Variants in SQLE observed in about 807,000 individuals in gnomAD.
SQLE encodes the protein squalene epoxidase, also known as squalene monooxygenase.
A neutral mutation model predicts 60.7 loss-of-function variants in SQLE; 29 were observed. That is an observed-to-expected ratio of 0.48 (90% CI 0.36 to 0.65). SQLE has a LOEUF of 0.65. Among genes scored for constraint, SQLE ranks in the 30% least tolerant of loss-of-function variants. The pLI, the probability that SQLE is intolerant of heterozygous loss-of-function variation, is 0.00. For synonymous variants in SQLE, 237 were observed against 246.8 expected, an observed-to-expected ratio of 0.96 and a Z score of 0.37; for missense variants, 605 against 684.1, an observed-to-expected ratio of 0.88 and a Z score of 1.29.
intron 7 of SQLE, among the ~76,000 whole-genome samples, chr8:125,014,841 T>G: frequency 6.6e-6 from 1 of 152,220 alleles, no homozygotes; most frequent in East Asian, 1.9e-4. Flanking sequence ...CCATGATCTA[T>G]CCTTGTGAAT....
chr8:125,003,177 G>A lies in SQLE; in HGVS notation c.293G>A (p.Arg98His), dbSNP rs773317153. The A allele has an allele frequency of 1.4e-5, 23 of 1,597,306 alleles. No individual in the cohort carries two copies. Among genetic ancestry groups the A allele is most frequent in the Admixed American group, 8.9e-5 (5 of 56,398 alleles). The change falls in exon 2 of 11, where the codon CGC (arginine) becomes CAC (histidine). Residue 98 changes from arginine to histidine, a missense_variant and splice_region_variant. Coordinates refer to ENST00000265896, the MANE Select transcript of SQLE (RefSeq NM_003129.4). ...ENKEQLEARR[R>H]RKGTNISETS... ...GTTTACCTTTTTTTTTTTAAACAGC[G>A]CAGAAAAGGAACCAATATTTCAGAA...
chr8:125,019,848 C>T (rs1272806529), intron 9 of SQLE, among the ~76,000 whole-genome samples: 1 of 149,056 alleles, frequency 6.7e-6, no homozygotes, highest in African/African-American at 2.5e-5. Flanking sequence ...TAACCATTAA[C>T]TCTTCCTAAG....
In SQLE at chr8:125,009,324, A is replaced by C. The variant is rs574394040; in HGVS notation, c.1089A>C (p.Lys363Asn). 1.3e-5 allele frequency: 21 copies of C among 1,611,952 alleles called. No homozygotes were observed. In the South Asian group the frequency reaches 1.8e-4, roughly 14 times the overall value. Reference sequence around the variant, plus strand: ...ATTTAAGAGAATACATGGTTGAAAAAATTTACCCACAAATACCTGGTAAGA... The same window carrying C: ...ATTTAAGAGAATACATGGTTGAAAACATTTACCCACAAATACCTGGTAAGA... Reference protein sequence around the residue: ...PRNLREYMVEKIYPQIPDHLK... With the variant: ...PRNLREYMVENIYPQIPDHLK... The change falls in exon 6 of 11, where the codon AAA becomes AAC. Residue 363 changes from lysine to asparagine, a missense_variant. Lys to Asn is a moderately conservative substitution (Grantham distance 94, BLOSUM62 0). Transcript: ENST00000265896.
At chr8:125,005,768 T>C in intron 3 of SQLE, 63 bp downstream of exon 3, 1 of 1,333,356 alleles carries the variant, frequency 7.5e-7, no homozygotes, top group African/African-American at 1.5e-5. Context: ...TTGACCTTTG[T>C]ACAAATAAGA....
Position 124,999,351 on chromosome 8 carries a change from C to G in SQLE, c.-53C>G, listed in dbSNP as rs1814802245. 1.1e-5 allele frequency: 16 copies of G among 1,466,636 alleles called. No individual in the cohort carries two copies. Among genetic ancestry groups the G allele is most frequent in the Non-Finnish European group, 1.4e-5 (16 of 1,109,614 alleles). 90.9% of individuals were successfully genotyped at this position (1,466,636 alleles called of 1,614,324 possible). A position where few individuals can be genotyped will look rare whatever the true frequency, so the allele number is the denominator to read the frequency against. On this transcript the variant is annotated 5_prime_UTR_variant, in exon 1 of 11. Coordinates refer to ENST00000265896, the MANE Select transcript of SQLE (RefSeq NM_003129.4). ...CATTTTGGGGAGAACCTTAAACCCA[C>G]TCGAGCAGATAATCTCCGCCTTGAC...
chr8:125,006,138 T>TC (rs983303197), intron 3 of SQLE, among the ~76,000 whole-genome samples: 65 of 152,308 alleles, frequency 4.3e-4, no homozygotes, highest in African/African-American at 1.5e-3. Flanking sequence ...TGGCTTCTTC[T>TC]CTTGTTTATT....
In SQLE at chr8:124,999,312, T is replaced by A. The variant is rs1248340545; in HGVS notation, c.-92T>A. ...CTGGAGTCTGGCCGGCTCTCCGTGCTCCTCTTGGTACCTCATTTTGGGGAG... is the reference window on the plus strand; with the variant it reads ...CTGGAGTCTGGCCGGCTCTCCGTGCACCTCTTGGTACCTCATTTTGGGGAG... On this transcript the variant is annotated 5_prime_UTR_variant, in exon 1 of 11. Transcript: ENST00000265896. 3 of 1,294,172 alleles carry A rather than the reference T, an allele frequency of 2.3e-6. No individual in the cohort carries two copies. In the East Asian group the frequency reaches 8.3e-5, roughly 36 times the overall value. 80.2% of individuals were successfully genotyped at this position (1,294,172 alleles called of 1,614,324 possible). A position where few individuals can be genotyped will look rare whatever the true frequency, so the allele number is the denominator to read the frequency against.
At chr8:125,012,333 ACAGT>A (rs1815050823) in intron 7 of SQLE, among the ~76,000 whole-genome samples, 1 of 152,192 alleles carries the variant, frequency 6.6e-6, no homozygotes, top group Non-Finnish European at 1.5e-5. Context: ...TAGTATATTC[ACAGT>A]GTGTGCATCA....
chr8:125,018,758 C>T, intron 9 of SQLE, 31 bp downstream of exon 9: 3 of 1,376,208 alleles, frequency 2.2e-6, no homozygotes, highest in Non-Finnish European at 3.0e-6. Flanking sequence ...GTGAATATTA[C>T]TCAATTGCAG....
intron 4 of SQLE, among the ~76,000 whole-genome samples, chr8:125,008,705 G>C (rs1039362706): frequency 6.6e-6 from 1 of 152,170 alleles, no homozygotes; most frequent in African/African-American, 2.4e-5. Context: ...CCCATTGTCT[G>C]TCAAAGTGGA....
In SQLE at chr8:125,006,946, G is replaced by A. The variant is rs184828745; in HGVS notation, c.726-445G>A. ...CCTTGATCTCCTGACCTTGTGATCC[G>A]CCCACCTTGGCCTCCCAAAGTTCTG... On this transcript the variant is annotated intron_variant, in intron 3 of 10. Transcript: ENST00000265896. Among the ~76,000 whole-genome samples the A allele has an allele frequency of 8.0e-4, 122 of 152,054 alleles. 1 individual carries two copies. The East Asian group carries it at 0.017, about 21-fold the overall frequency.
At chr8:125,008,657 A>G (rs1814994816) in intron 4 of SQLE, among the ~76,000 whole-genome samples, 1 of 152,196 alleles carries the variant, frequency 6.6e-6, no homozygotes, top group South Asian at 2.1e-4. Flanking sequence ...AATGAGATTG[A>G]CTGCTCTGTG....
intron 7 of SQLE, among the ~76,000 whole-genome samples, chr8:125,012,912 G>C (rs1277147864): frequency 6.6e-6 from 1 of 152,168 alleles, no homozygotes; most frequent in East Asian, 1.9e-4. Context: ...ATCCTTGTCA[G>C]TGAACACTTG....
At chr8:125,001,764 A>G (rs555387104) in intron 1 of SQLE, among the ~76,000 whole-genome samples, 1 of 151,232 alleles carries the variant, frequency 6.6e-6, no homozygotes, top group South Asian at 2.1e-4. Flanking sequence ...GTAAAGTTCT[A>G]AAGGATTTTA....
In SQLE at chr8:125,009,150, ATTTTCT is replaced by A. The variant is rs759608473; in HGVS notation, c.937-17_937-12del. ...CTTGAAATTTGAAAATTATTAAAAC[ATTTTCT>A]TTTTATTTGTTTTAGAATGCACCAC... On this transcript the variant is annotated splice_polypyrimidine_tract_variant and intron_variant, in intron 5 of 10. Transcript: ENST00000265896. 32 of 1,574,914 alleles carry A rather than the reference ATTTTCT, an allele frequency of 2.0e-5. No homozygotes were observed. The highest frequency in any genetic ancestry group is 2.7e-5 in the African/African-American group (2 of 72,892).
At chr8:125,019,056 G>A in intron 9 of SQLE, 1 of 200,170 alleles carries the variant, frequency 5.0e-6, no homozygotes, top group South Asian at 1.1e-4. Flanking sequence ...GTATTAAAAG[G>A]CAATGTAGTC....
In SQLE at chr8:125,007,392, G is replaced by C. The variant is rs532646230; in HGVS notation, c.727G>C (p.Ala243Pro). 5 of 1,539,784 alleles carry C rather than the reference G, an allele frequency of 3.2e-6. No individual in the cohort carries two copies. Among genetic ancestry groups the C allele is most frequent in the Non-Finnish European group, 4.4e-6 (5 of 1,141,384 alleles). The change falls in exon 4 of 11, where the codon GCA (alanine) becomes CCA (proline). Residue 243 changes from alanine (A) to proline (P), a missense_variant and splice_region_variant. Physicochemically the swap from Ala to Pro is conservative, Grantham distance 27. Transcript: ENST00000265896. Reference protein sequence around the residue: ...LRKAAMAEPNAKFIEGVVLQL... With the variant: ...LRKAAMAEPNPKFIEGVVLQL... ...AATGTATTTTTTTTTATTCTTTAGT[G>C]CAAAGTTTATTGAAGGTGTTGTGTT...
intron 7 of SQLE, among the ~76,000 whole-genome samples, chr8:125,015,437 T>C (rs1424957636): frequency 6.6e-6 from 1 of 152,226 alleles, no homozygotes; most frequent in Admixed American, 6.5e-5. Flanking sequence ...GTTTTTGTTT[T>C]CTGATTGTTT....
intron 3 of SQLE, among the ~76,000 whole-genome samples, chr8:125,006,735 C>T (rs1348330420): frequency 2.7e-5 from 4 of 148,464 alleles, no homozygotes; most frequent in East Asian, 2.0e-4. Context: ...GACTGAGTCT[C>T]GCTCTGTCAC....
Sources: allele counts gnomAD v4.1 joint callset (sites outside exome capture counted in the v4.1 genomes callset), GRCh38; gene constraint gnomAD v4.1.1; transcripts MANE v1.5; gene names NCBI Gene and HGNC (gene_info 2026-07-23, HGNC 2026-07-21).